TNPO3: variants seen among roughly 807,000 people sequenced by gnomAD.
TNPO3 encodes transportin-3.
TNPO3 carries 65 observed loss-of-function variants against 122.8 expected under a neutral mutation model. The ratio of observed to expected loss-of-function variants is 0.53; its 90% CI spans 0.43 to 0.65. The LOEUF is 0.65. TNPO3 is among the 30% of genes least tolerant of loss of function. The pLI is 0.00. For missense variants in TNPO3, 850 were observed against 1,136.7 expected (o/e 0.75, Z 3.63); for synonymous variants, 372 against 411.2 (o/e 0.90, Z 1.15).
chr7:128,987,669 C>A (rs143884303), intron 11 of TNPO3, among the ~76,000 whole-genome samples: 1,595 of 152,304 alleles, frequency 0.01, 14 homozygotes, highest in Non-Finnish European at 0.016. Context: ...CAACCTCCAT[C>A]TCGCAGGTTC....
intron 11 of TNPO3, among the ~76,000 whole-genome samples, chr7:128,989,184 A>G (rs550985791): frequency 6.6e-6 from 1 of 152,326 alleles, no homozygotes; most frequent in African/African-American, 2.4e-5. Context: ...TCTTTTTAGC[A>G]TGTGTTTCAG....
intron 1 of TNPO3, among the ~76,000 whole-genome samples, chr7:129,022,167 T>A (rs1350846470): frequency 6.6e-6 from 1 of 152,110 alleles, no homozygotes; most frequent in Non-Finnish European, 1.5e-5. Context: ...GGAGGCTTAC[T>A]TGAGGCCAGG....
rs768660716 is a variant in TNPO3 at position 128,972,524 on chromosome 7, G to C, written c.2332C>G (p.Gln778Glu). The C allele has an allele frequency of 1.2e-6, 2 of 1,614,174 alleles. No homozygotes were observed. Among genetic ancestry groups the C allele is most frequent in the South Asian group, 2.2e-5 (2 of 91,080 alleles). ...AGGGTAGTAGAGGCAATGGCCCACT[G>C]TAAGATAGGGATGACCACTTGGCTC... ...LRSQVVIPIL[Q>E]WAIASTTLDH... The change falls in exon 19 of 23, where the codon CAG (glutamine) becomes GAG (glutamate). Residue 778 changes from glutamine (Q) to glutamate (E), a missense_variant. By Grantham distance (29) the Gln-to-Glu change is conservative. Coordinates refer to ENST00000265388, the MANE Select transcript of TNPO3 (RefSeq NM_012470.4).
chr7:128,987,750 G>C (rs1800319430), intron 11 of TNPO3, among the ~76,000 whole-genome samples: 1 of 151,850 alleles, frequency 6.6e-6, no homozygotes, highest in South Asian at 2.1e-4. Flanking sequence ...GCTAATTTTT[G>C]TATTTTTAGT....
At chr7:129,040,412 G>A (rs1460128290) in intron 1 of TNPO3, among the ~76,000 whole-genome samples, 1 of 152,130 alleles carries the variant, frequency 6.6e-6, no homozygotes, top group Non-Finnish European at 1.5e-5. Flanking sequence ...CAAATCTGTG[G>A]TGATGTAAGT....
chr7:129,015,682 A>C (rs1803761799), intron 3 of TNPO3, among the ~76,000 whole-genome samples: 1 of 151,948 alleles, frequency 6.6e-6, no homozygotes, highest in African/African-American at 2.4e-5. Context: ...AAAATTTTTT[A>C]ATCAGCCAGG....
In TNPO3 at chr7:129,011,681, A is replaced by G. The variant is rs900011718; in HGVS notation, c.552+3298T>C. Among the ~76,000 whole-genome samples the G allele has an allele frequency of 2.6e-5, 4 of 152,188 alleles. No individual in the cohort carries two copies. In the East Asian group the frequency reaches 7.7e-4, roughly 29 times the overall value. ...TAGGACCAACTGGTGAAATGTGAAT[A>G]TGGTCTGGGTTTATCAGATGATATG... On this transcript the variant is annotated intron_variant, in intron 4 of 22. Coordinates refer to ENST00000265388, the MANE Select transcript of TNPO3 (RefSeq NM_012470.4).
intron 1 of TNPO3, among the ~76,000 whole-genome samples, chr7:129,042,865 C>CA (rs11286292): frequency 4.3e-4 from 57 of 133,400 alleles, no homozygotes; most frequent in African/African-American, 1.4e-3. Flanking sequence ...TCCCATCCTC[C>CA]AAAAAAAAAA....
chr7:129,005,293 T>C, intron 4 of TNPO3, 134 bp from the exon 5 acceptor site: 1 of 840,746 alleles, frequency 1.2e-6, no homozygotes, highest in Non-Finnish European at 1.7e-6. Context: ...TTTTTAAGTT[T>C]AAGTGTCACT....
chr7:128,959,703 T>C (rs1797249211), intron 21 of TNPO3, among the ~76,000 whole-genome samples: 1 of 152,118 alleles, frequency 6.6e-6, no homozygotes, highest in Non-Finnish European at 1.5e-5. Context: ...GTGTCCTTGG[T>C]GGGGAGCCCA....
chr7:129,046,195 CAAAAAAAAAA>C (rs5887409), intron 1 of TNPO3, among the ~76,000 whole-genome samples: 3 of 79,302 alleles, frequency 3.8e-5, no homozygotes, highest in African/African-American at 4.9e-5. Context: ...GACTCCGTCT[CAAAAAAAAAA>C]AAAAAAAAAA....
chr7:129,026,394 A>ATTTTTTTTTTTTTTTTTTTTTTTTTTTTT (rs969403916), intron 1 of TNPO3, among the ~76,000 whole-genome samples: 1 of 94,714 alleles, frequency 1.1e-5, no homozygotes, highest in Non-Finnish European at 2.0e-5. Context: ...TGACGTTTGA[A>ATTTTTTTTTTTTTTTTTTTTTTTTTTTTT]TTTTTTTTTT....
intron 1 of TNPO3, among the ~76,000 whole-genome samples, chr7:129,045,525 T>G (rs1433599400): frequency 6.8e-6 from 1 of 146,106 alleles, no homozygotes; most frequent in Non-Finnish European, 1.5e-5. Flanking sequence ...AAATGCTAAA[T>G]TTATGTTTTG....
chr7:129,026,755 C>T (rs1325817805), intron 1 of TNPO3, among the ~76,000 whole-genome samples: 1 of 151,960 alleles, frequency 6.6e-6, no homozygotes, highest in Non-Finnish European at 1.5e-5. Flanking sequence ...TTAAAAATAA[C>T]TTGTACTTTA....
chr7:129,047,198 G>A (rs993665914), intron 1 of TNPO3, among the ~76,000 whole-genome samples: 6 of 152,144 alleles, frequency 3.9e-5, no homozygotes, highest in African/African-American at 1.4e-4. Context: ...TAAAACTTTT[G>A]AGGTAATATC....
intron 4 of TNPO3, among the ~76,000 whole-genome samples, chr7:129,013,103 T>C (rs1265588223): frequency 6.6e-6 from 1 of 152,156 alleles, no homozygotes; most frequent in Non-Finnish European, 1.5e-5. Flanking sequence ...TAAGAGACAA[T>C]CCTTTCTTTT....
At position 128,957,217 on chromosome 7, in the gene TNPO3, T is replaced by TCCTC. The variant is rs774182472; in HGVS notation, c.*31+3_*31+6dup. On this transcript the variant is annotated splice_region_variant and intron_variant, in intron 22 of 22. Coordinates refer to ENST00000265388, the MANE Select transcript of TNPO3 (RefSeq NM_012470.4). ...CCGGACAAAAGCTGGGAACTATGTA[T>TCCTC]CCTCACCTGGGTGACAGGCACAGTG... 6.2e-7 allele frequency: 1 copy of TCCTC among 1,613,020 alleles called. No homozygotes were observed. Among genetic ancestry groups the TCCTC allele is most frequent in the Non-Finnish European group, 8.5e-7 (1 of 1,179,006 alleles).
chr7:129,054,725 G>A lies in TNPO3; in HGVS notation c.46C>T (p.Gln16Ter). Residue 16 changes from glutamine to a stop codon, truncating the protein, a stop_gained, in exon 1 of 23, where the codon CAG (glutamine) becomes TAG (stop). Transcript: ENST00000265388. LOFTEE classifies it high-confidence loss of function. Reference sequence around the variant, plus strand: ...GGATCTGGGTCGTGGTAAAGCGCCTGCACTGCCTGGTACACGAGCTGCAAT... The same window carrying A: ...GGATCTGGGTCGTGGTAAAGCGCCTACACTGCCTGGTACACGAGCTGCAAT... ...PTLQLVYQAV[Q>*]ALYHDPDPSG... The A allele has an allele frequency of 6.2e-7, 1 of 1,614,218 alleles. No individual in the cohort carries two copies. The highest frequency in any genetic ancestry group is 8.5e-7 in the Non-Finnish European group (1 of 1,180,040).
At chr7:129,007,713 A>C (rs1802725875) in intron 4 of TNPO3, among the ~76,000 whole-genome samples, 1 of 152,262 alleles carries the variant, frequency 6.6e-6, no homozygotes, top group Non-Finnish European at 1.5e-5. Context: ...AAAAAGGTGG[A>C]GTTGCAGCTA....
Sources: allele counts gnomAD v4.1 joint callset (sites outside exome capture counted in the v4.1 genomes callset), GRCh38; gene constraint gnomAD v4.1.1; transcripts MANE v1.5; gene names NCBI Gene and HGNC (gene_info 2026-07-23, HGNC 2026-07-21).